Variants in MACO1 observed in about 807,000 individuals in gnomAD.
MACO1 encodes macoilin 1.
In MACO1, 14 loss-of-function variants were observed where a neutral mutation model predicts 78.7. That is an observed-to-expected ratio of 0.18 (90% confidence interval 0.12 to 0.28). The LOEUF (loss-of-function observed/expected upper bound fraction) is 0.28, where lower values mean the gene tolerates loss of function less well. Among genes scored for constraint, MACO1 ranks in the 10% least tolerant of loss-of-function variants. The probability of loss-of-function intolerance (pLI) is 1.00; values close to 1 mark genes in which losing one functional copy is unlikely to be tolerated. For synonymous variants in MACO1, 288 were observed against 291.6 expected, an observed-to-expected ratio of 0.99 and a Z score of 0.12; for missense variants, 501 against 799.0, an observed-to-expected ratio of 0.63 and a Z score of 4.50.
chr1:25,433,562 G>A (rs769880052), intron 1 of MACO1, among the ~76,000 whole-genome samples: 5 of 152,228 alleles, frequency 3.3e-5, no homozygotes, highest in Non-Finnish European at 7.3e-5. Flanking sequence ...CTGTTTCATA[G>A]CCAAACCTTT....
intron 1 of MACO1, among the ~76,000 whole-genome samples, chr1:25,431,977 C>G (rs1350729675): frequency 6.6e-6 from 1 of 151,688 alleles, no homozygotes; most frequent in Non-Finnish European, 1.5e-5. Context: ...GAATTCAGTC[C>G]ACCGGTAGAG....
In MACO1 at chr1:25,485,526, C is replaced by T; in HGVS notation, c.1314-87C>T. On this transcript the variant is annotated intron_variant, in intron 7 of 10. Transcript: ENST00000374343. This position sits in a 1 kb window ranked among gnomAD's most constrained non-coding sequence, Gnocchi z 4.3. ...CTGTTCAAACCTCCTGTTTAATTGG[C>T]CTTAAGGTGATAAAGAGATGTTTCT... 1.4e-6 allele frequency: 2 copies of T among 1,400,288 alleles called. No homozygotes were observed. The highest frequency in any genetic ancestry group is 1.9e-6 in the Non-Finnish European group (2 of 1,033,114). 86.7% of individuals were successfully genotyped at this position (1,400,288 alleles called of 1,614,324 possible).
intron 3 of MACO1, 60 bp from the exon 4 acceptor site, chr1:25,454,199 A>G: frequency 7.0e-7 from 1 of 1,431,494 alleles, no homozygotes; most frequent in African/African-American, 1.4e-5. Flanking sequence ...CTCCCAAACA[A>G]TCCATCTGTT....
chr1:25,490,797 T>C (rs951098234), intron 9 of MACO1, among the ~76,000 whole-genome samples: 1 of 152,206 alleles, frequency 6.6e-6, no homozygotes, highest in African/African-American at 2.4e-5. Flanking sequence ...ATTTAATATT[T>C]CACTTCTGCT....
chr1:25,489,306 C>T lies in MACO1; in HGVS notation c.1617+13C>T, dbSNP rs781726348. 15 of 1,612,076 alleles carry T rather than the reference C, an allele frequency of 9.3e-6. No homozygotes were observed. In the South Asian group the frequency reaches 1.1e-4, roughly 12 times the overall value. ...ACTAAAAGTCCAGGTAAGGGGGGAACAAAAGACTTCCCTTGTATTTGAATT... is the reference window on the plus strand; with the variant it reads ...ACTAAAAGTCCAGGTAAGGGGGGAATAAAAGACTTCCCTTGTATTTGAATT... On this transcript the variant is annotated intron_variant, in intron 9 of 10. Coordinates refer to ENST00000374343, the MANE Select transcript of MACO1 (RefSeq NM_018202.6).
At chr1:25,446,741 C>A (rs566153807) in intron 1 of MACO1, 21 bp from the exon 2 acceptor site, 8 of 1,575,154 alleles carry the variant, frequency 5.1e-6, no homozygotes, top group South Asian at 2.4e-5. Flanking sequence ...TAAATTAATT[C>A]TTTATTTTTA....
At chr1:25,475,604 G>A (rs2043315497) in intron 6 of MACO1, among the ~76,000 whole-genome samples, 1 of 151,876 alleles carries the variant, frequency 6.6e-6, no homozygotes, top group African/African-American at 2.4e-5. Flanking sequence ...TTTCCCTAAG[G>A]TTTTGGGTTG....
intron 6 of MACO1, among the ~76,000 whole-genome samples, chr1:25,477,180 G>A (rs1359295027): frequency 6.6e-6 from 1 of 152,218 alleles, no homozygotes; most frequent in Non-Finnish European, 1.5e-5. Context: ...TAGGGTTTTA[G>A]AAGGAGAAGA....
intron 1 of MACO1, 76 bp downstream of exon 1, chr1:25,431,254 A>G: frequency 1.7e-6 from 2 of 1,197,648 alleles, no homozygotes. Flanking sequence ...TGGCCCCGTT[A>G]TGTAACCCCG....
intron 1 of MACO1, among the ~76,000 whole-genome samples, chr1:25,439,750 G>T (rs2042953050): frequency 6.6e-6 from 1 of 150,430 alleles, no homozygotes; most frequent in African/African-American, 2.4e-5. Context: ...TGGACACTGT[G>T]GCTCACACCT....
At chr1:25,451,386 C>G (rs1417257836) in intron 3 of MACO1, among the ~76,000 whole-genome samples, 1 of 152,082 alleles carries the variant, frequency 6.6e-6, no homozygotes, top group Non-Finnish European at 1.5e-5. Context: ...GATTATTATA[C>G]TTGCTCAAAA....
chr1:25,461,096 C>G (rs1018709504), intron 6 of MACO1, among the ~76,000 whole-genome samples: 3 of 151,204 alleles, frequency 2.0e-5, no homozygotes, highest in Admixed American at 2.0e-4. Context: ...TCATTCTCAG[C>G]AAACTATCGC....
At chr1:25,469,715 CA>C (rs1260876447) in intron 6 of MACO1, among the ~76,000 whole-genome samples, 5 of 149,692 alleles carry the variant, frequency 3.3e-5, no homozygotes, top group Admixed American at 2.0e-4. Context: ...CGGCTCACTG[CA>C]ACCTCTGTCT....
intron 2 of MACO1, among the ~76,000 whole-genome samples, chr1:25,447,526 T>C (rs962524619): frequency 2.0e-5 from 3 of 152,220 alleles, no homozygotes; most frequent in Non-Finnish European, 2.9e-5. Flanking sequence ...TTATATTTTC[T>C]AAAACAAACA....
intron 10 of MACO1, among the ~76,000 whole-genome samples, chr1:25,495,690 G>A (rs139975101): frequency 1.1e-3 from 175 of 152,244 alleles, no homozygotes; most frequent in African/African-American, 3.8e-3. Context: ...CAGGCCAGGC[G>A]CGGTGGCTCA....
intron 1 of MACO1, among the ~76,000 whole-genome samples, chr1:25,442,160 T>C (rs940490964): frequency 6.6e-6 from 1 of 152,184 alleles, no homozygotes; most frequent in Non-Finnish European, 1.5e-5. Flanking sequence ...ACCAATACTT[T>C]GATTAGCAAG....
chr1:25,466,955 C>A, intron 6 of MACO1, among the ~76,000 whole-genome samples: 1 of 151,976 alleles, frequency 6.6e-6, no homozygotes, highest in South Asian at 2.1e-4. Flanking sequence ...CAGGCCAGTG[C>A]GATCATTCAG....
At chr1:25,440,405 GAAAAA>G (rs35855810) in intron 1 of MACO1, among the ~76,000 whole-genome samples, 1 of 124,582 alleles carries the variant, frequency 8.0e-6, no homozygotes, top group Non-Finnish European at 1.7e-5. Flanking sequence ...CCAGTTCTGG[GAAAAA>G]AAAAAAAAAA....
At chr1:25,451,215 A>G (rs764331629) in intron 3 of MACO1, among the ~76,000 whole-genome samples, 10 of 152,226 alleles carry the variant, frequency 6.6e-5, no homozygotes, top group Non-Finnish European at 1.5e-4. Flanking sequence ...TGCAATTCCT[A>G]TAACTTGGGG....
Sources: gnomAD v4.1 joint callset for allele counts (sites outside exome capture counted in the v4.1 genomes callset) on GRCh38, gnomAD v4.1.1 for gene constraint, Gnocchi (gnomAD v3.1) non-coding constraint, MANE v1.5 for transcripts, NCBI Gene and HGNC (gene_info 2026-07-23, HGNC 2026-07-21) for gene names.